Variants in TCF7L2 observed in about 807,000 individuals in gnomAD.
TCF7L2 encodes the protein transcription factor 7-like 2.
A neutral mutation model predicts 77.9 loss-of-function variants in TCF7L2; 23 were observed. The ratio of observed to expected loss-of-function variants is 0.30; its 90% CI spans 0.21 to 0.42. The LOEUF (loss-of-function observed/expected upper bound fraction) is 0.42. Among genes scored for constraint, TCF7L2 ranks in the 10% least tolerant of loss-of-function variants. The pLI, the probability that TCF7L2 is intolerant of heterozygous loss-of-function variation, is 1.00. For synonymous variants in TCF7L2, 413 were observed against 340.2 expected (o/e 1.21, Z -2.36); for missense variants, 654 against 793.1 (o/e 0.82, Z 2.11).
At chr10:113,128,975 C>T (rs1417004992) in intron 5 of TCF7L2, among the ~76,000 whole-genome samples, 1 of 152,034 alleles carries the variant, frequency 6.6e-6, no homozygotes, top group Non-Finnish European at 1.5e-5. Flanking sequence ...CTCTGTGTTC[C>T]TGGGGAAAGC....
intron 5 of TCF7L2, among the ~76,000 whole-genome samples, chr10:113,116,145 T>C (rs2063705796): frequency 6.6e-6 from 1 of 152,178 alleles, no homozygotes; most frequent in Non-Finnish European, 1.5e-5. Flanking sequence ...TTATGTATAG[T>C]TTATCATGAT....
At chr10:113,084,618 A>G (rs996115468) in intron 5 of TCF7L2, among the ~76,000 whole-genome samples, 4 of 152,186 alleles carry the variant, frequency 2.6e-5, no homozygotes, top group Admixed American at 6.6e-5. Flanking sequence ...AAGGCCAGGC[A>G]TGGTGGCTCA....
At chr10:113,110,376 T>G (rs959380148) in intron 5 of TCF7L2, among the ~76,000 whole-genome samples, 29 of 151,448 alleles carry the variant, frequency 1.9e-4, no homozygotes, top group Non-Finnish European at 3.8e-4. Context: ...GGGGTTTTTT[T>G]TTTTTTTTTT....
At chr10:112,963,274 T>C (rs2035771896) in intron 3 of TCF7L2, among the ~76,000 whole-genome samples, 1 of 152,186 alleles carries the variant, frequency 6.6e-6, no homozygotes, top group Non-Finnish European at 1.5e-5. Context: ...GTTCAAAAGT[T>C]CTTATGTGAT....
At chr10:113,142,799 C>T (rs561127451) in intron 6 of TCF7L2, among the ~76,000 whole-genome samples, 6 of 152,282 alleles carry the variant, frequency 3.9e-5, no homozygotes, top group African/African-American at 9.6e-5. Flanking sequence ...AAATGGTTAT[C>T]GTAAAACATA....
At chr10:113,132,925 A>G (rs1011963803) in intron 5 of TCF7L2, 1 of 152,078 alleles carries the variant, frequency 6.6e-6, no homozygotes, top group African/African-American at 2.4e-5. Flanking sequence ...CAGGTTGAGA[A>G]TTTTGTGACG....
At chr10:113,117,432 TCCCTCTCTCTCTCTCTCTCTCTCTC>T (rs1564916590) in intron 5 of TCF7L2, among the ~76,000 whole-genome samples, 2 of 32,400 alleles carry the variant, frequency 6.2e-5, no homozygotes, top group African/African-American at 2.8e-4. Flanking sequence ...TCTCTCTCTC[TCCCTCTCTCTCTCTCTCTCTCTCTC>T]TTCTCCCCCC....
intron 4 of TCF7L2, among the ~76,000 whole-genome samples, chr10:112,997,296 G>A (rs183191324): frequency 3.9e-5 from 6 of 152,302 alleles, no homozygotes; most frequent in Admixed American, 3.3e-4. Flanking sequence ...TTTAAAAAGC[G>A]GTGGAAAAAG....
intron 5 of TCF7L2, among the ~76,000 whole-genome samples, chr10:113,061,800 G>A (rs150700192): frequency 3.9e-5 from 6 of 152,286 alleles, no homozygotes; most frequent in East Asian, 1.9e-4. Context: ...GCTGGCGAAC[G>A]CACTAGCAGG....
intron 5 of TCF7L2, chr10:113,129,378 G>T: frequency 1.0e-6 from 1 of 991,138 alleles, no homozygotes; most frequent in Non-Finnish European, 1.2e-6. Context: ...CCAAGGTAAC[G>T]GGTGAGGGAG....
chr10:112,997,987 A>T (rs1035478826), intron 4 of TCF7L2, among the ~76,000 whole-genome samples: 15 of 152,190 alleles, frequency 9.9e-5, no homozygotes, highest in African/African-American at 3.4e-4. Flanking sequence ...CCTTGACAGT[A>T]AAACAAAAAA....
chr10:113,147,840 G>A (rs1230762414), intron 8 of TCF7L2, among the ~76,000 whole-genome samples: 2 of 152,096 alleles, frequency 1.3e-5, no homozygotes, highest in Non-Finnish European at 2.9e-5. Flanking sequence ...GAGGTTAGTC[G>A]ATGAATTATA....
intron 5 of TCF7L2, among the ~76,000 whole-genome samples, chr10:113,060,715 G>T (rs2056297143): frequency 6.6e-6 from 1 of 152,088 alleles, no homozygotes; most frequent in African/African-American, 2.4e-5. Context: ...TCTAGATGCG[G>T]AAGTGTAAAT....
At chr10:112,979,429 C>G (rs550239432) in intron 4 of TCF7L2, among the ~76,000 whole-genome samples, 81 of 152,316 alleles carry the variant, frequency 5.3e-4, no homozygotes, top group South Asian at 2.5e-3. Flanking sequence ...TTCTGGCGTT[C>G]TCCAAGTTTC....
chr10:112,971,932 T>TC (rs1564729636), intron 4 of TCF7L2, among the ~76,000 whole-genome samples: 1 of 151,660 alleles, frequency 6.6e-6, no homozygotes, highest in East Asian at 1.9e-4. Context: ...TTCTTTCCTT[T>TC]TTTTTTGAAG....
chr10:113,119,161 C>T (rs574085149), intron 5 of TCF7L2, among the ~76,000 whole-genome samples: 7 of 152,292 alleles, frequency 4.6e-5, no homozygotes, highest in African/African-American at 9.6e-5. Flanking sequence ...GCTGCGAATT[C>T]GTGTGCTCTC....
chr10:113,068,278 G>T (rs1343577449), intron 5 of TCF7L2, among the ~76,000 whole-genome samples: 3 of 152,160 alleles, frequency 2.0e-5, no homozygotes, highest in Non-Finnish European at 4.4e-5. Flanking sequence ...GGACAAAAAG[G>T]CTGCTGGAGC....
intron 5 of TCF7L2, among the ~76,000 whole-genome samples, chr10:113,047,415 C>G (rs1316353556): frequency 2.0e-5 from 3 of 152,102 alleles, no homozygotes; most frequent in African/African-American, 7.2e-5. Context: ...GAACAGAGAC[C>G]CAGCCCATCC....
intron 5 of TCF7L2, among the ~76,000 whole-genome samples, chr10:113,124,518 A>G (rs1447472988): frequency 1.3e-5 from 2 of 152,178 alleles, no homozygotes; most frequent in African/African-American, 2.4e-5. Flanking sequence ...GAGCAAGCCA[A>G]TGAAGCCTGC....
Sources: allele counts gnomAD v4.1 joint callset (sites outside exome capture counted in the v4.1 genomes callset), GRCh38; gene constraint gnomAD v4.1.1; transcripts MANE v1.5; gene names NCBI Gene and HGNC (gene_info 2026-07-23, HGNC 2026-07-21).